The following FTO variants were observed in gnomAD, a reference collection of about 807,000 sequenced individuals.
FTO encodes alpha-ketoglutarate-dependent dioxygenase FTO.
FTO carries 47 observed loss-of-function variants against 63.9 expected under a neutral mutation model. The observed-to-expected ratio is 0.74, with a 90% CI of 0.58 to 0.94. The LOEUF is 0.94. FTO is among the 40% of genes least tolerant of loss of function. The pLI, the probability that FTO is intolerant of heterozygous loss-of-function variation, is 0.00. For missense variants in FTO, 562 were observed against 618.1 expected (o/e 0.91, Z 0.96); for synonymous variants, 207 against 224.4 (o/e 0.92, Z 0.69).
intron 4 of FTO, among the ~76,000 whole-genome samples, chr16:53,854,301 GC>G (rs2079908964): frequency 2.0e-5 from 3 of 152,078 alleles, no homozygotes; most frequent in African/African-American, 7.2e-5. Flanking sequence ...TTGTGCAGAA[GC>G]TTTTTAGTTT....
intron 7 of FTO, among the ~76,000 whole-genome samples, chr16:53,923,681 A>AT (rs200723135): frequency 3.3e-4 from 47 of 142,068 alleles, no homozygotes; most frequent in African/African-American, 3.9e-4. Flanking sequence ...CTTTCTTTCT[A>AT]TTTTTTTTTT....
chr16:53,888,551 C>G (rs1469188819), intron 6 of FTO, among the ~76,000 whole-genome samples: 1 of 152,028 alleles, frequency 6.6e-6, no homozygotes, highest in Non-Finnish European at 1.5e-5. Flanking sequence ...AACTCCTGGC[C>G]TCAAGAGATC....
rs1351291645 is a variant in FTO, at chr16:54,118,339, C to T, written c.*6424C>T. On this transcript the variant is annotated 3_prime_UTR_variant, in exon 9 of 9. Coordinates refer to ENST00000471389, the MANE Select transcript of FTO (RefSeq NM_001080432.3). ...CTTCATTAGTGATAATGGCATGAAG[C>T]TCTTTCACACAGTCTTTTTTTTTTT... The T allele has an allele frequency of 6.6e-6, 1 of 151,430 alleles. No individual in the cohort carries two copies. Among genetic ancestry groups the T allele is most frequent in the Non-Finnish European group, 1.5e-5 (1 of 67,952 alleles). The allele number at this position is 151,430 out of a possible 1,614,324, so 9.4% of individuals were successfully genotyped here.
intron 8 of FTO, among the ~76,000 whole-genome samples, chr16:54,026,951 A>C (rs1217868536): frequency 1.3e-5 from 2 of 152,102 alleles, no homozygotes; most frequent in Non-Finnish European, 2.9e-5. Context: ...CTAGAATATA[A>C]CTCCATTTAA....
At chr16:53,798,069 G>A (rs889189803) in intron 1 of FTO, among the ~76,000 whole-genome samples, 2 of 151,946 alleles carry the variant, frequency 1.3e-5, no homozygotes, top group African/African-American at 4.8e-5. Context: ...CTATTTGTTA[G>A]GACTCTTCTT....
intron 1 of FTO, among the ~76,000 whole-genome samples, chr16:53,743,729 C>A (rs1331957326): frequency 6.6e-6 from 1 of 151,600 alleles, no homozygotes; most frequent in Non-Finnish European, 1.5e-5. Context: ...TTTAATAATA[C>A]AAGCTTTAAC....
chr16:53,710,117 C>T (rs965874486), intron 1 of FTO, among the ~76,000 whole-genome samples: 16 of 151,810 alleles, frequency 1.1e-4, no homozygotes, highest in African/African-American at 3.6e-4. Flanking sequence ...AAATTGGTTC[C>T]TCATCCTTTT....
chr16:53,751,371 T>C (rs999808423), intron 1 of FTO, among the ~76,000 whole-genome samples: 4 of 151,984 alleles, frequency 2.6e-5, no homozygotes, highest in Non-Finnish European at 5.9e-5. Flanking sequence ...GGCAGGAGAA[T>C]GGCATGAACC....
At position 54,025,140 on chromosome 16, in the gene FTO, C is replaced by T. The variant is rs186847089; in HGVS notation, c.1365-86622C>T. Reference sequence around the variant, plus strand: ...GTTTAGTCTGGATCTCATACCTGCTCCTCCATTAGGGGAGGCCAGAGCCCC... The same window carrying T: ...GTTTAGTCTGGATCTCATACCTGCTTCTCCATTAGGGGAGGCCAGAGCCCC... On this transcript the variant is annotated intron_variant, in intron 8 of 8. Coordinates refer to ENST00000471389, the MANE Select transcript of FTO (RefSeq NM_001080432.3). 3.3e-5 allele frequency among the ~76,000 whole-genome samples: 5 copies of T among 152,318 alleles called. No individual in the cohort carries two copies. The East Asian group carries it at 7.7e-4, about 24-fold the overall frequency.
chr16:53,782,011 A>G (rs1397593959), intron 1 of FTO, among the ~76,000 whole-genome samples: 1 of 152,134 alleles, frequency 6.6e-6, no homozygotes, highest in Non-Finnish European at 1.5e-5. Context: ...CTTATGTAGT[A>G]GTATCCCCAG....
At chr16:53,883,754 A>G (rs148162196) in intron 6 of FTO, among the ~76,000 whole-genome samples, 1 of 152,046 alleles carries the variant, frequency 6.6e-6, no homozygotes, top group Non-Finnish European at 1.5e-5. Context: ...CTGGGGTTGA[A>G]TAGAGAGATT....
intron 8 of FTO, chr16:53,981,466 C>G (rs982823054): frequency 3.3e-5 from 5 of 152,258 alleles, no homozygotes; most frequent in Non-Finnish European, 5.9e-5. Flanking sequence ...AAACCTGAAG[C>G]CTTCCTGCTT....
chr16:54,010,152 G>T (rs995725954), intron 8 of FTO, among the ~76,000 whole-genome samples: 3 of 152,086 alleles, frequency 2.0e-5, no homozygotes, highest in Non-Finnish European at 1.5e-5. Flanking sequence ...CATGGCTCAC[G>T]ACTGTAATCC....
At chr16:54,007,077 A>T (rs905046159) in intron 8 of FTO, among the ~76,000 whole-genome samples, 1 of 152,210 alleles carries the variant, frequency 6.6e-6, no homozygotes, top group Admixed American at 6.5e-5. Flanking sequence ...TTGCTTAGTG[A>T]AATACAAAGG....
rs552300023 is a variant in FTO at position 54,072,342 on chromosome 16, C to T, written c.1365-39420C>T. 2.0e-5 allele frequency: 3 copies of T among 152,282 alleles called. No individual in the cohort carries two copies. The South Asian group carries it at 6.2e-4, about 32-fold the overall frequency. The allele number at this position is 152,282 out of a possible 1,614,324, so 9.4% of individuals were successfully genotyped here. On this transcript the variant is annotated intron_variant, in intron 8 of 8. Coordinates refer to ENST00000471389, the MANE Select transcript of FTO (RefSeq NM_001080432.3). Reference sequence around the variant, plus strand: ...TTCAGTGGAAGGCAACAGCCTCAGCCGTCTGTCATGACTACAGATGCAGAC... The same window carrying T: ...TTCAGTGGAAGGCAACAGCCTCAGCTGTCTGTCATGACTACAGATGCAGAC...
chr16:53,736,532 C>T (rs950288079), intron 1 of FTO, among the ~76,000 whole-genome samples: 9 of 152,108 alleles, frequency 5.9e-5, no homozygotes, highest in African/African-American at 1.9e-4. Flanking sequence ...TTCTCATTTC[C>T]ACTGCCTCTG....
intron 2 of FTO, among the ~76,000 whole-genome samples, chr16:53,814,166 GGA>G (rs2078609397): frequency 6.6e-6 from 1 of 152,126 alleles, no homozygotes. Context: ...TCTTTTAATA[GGA>G]CCGTAGAGAA....
intron 8 of FTO, chr16:54,052,677 A>G (rs1397886410): frequency 6.6e-6 from 1 of 152,110 alleles, no homozygotes; most frequent in Admixed American, 6.5e-5. Context: ...ACGGATAATA[A>G]GAGGAAAGGG....
chr16:53,979,332 A>T (rs1468104216), intron 8 of FTO: 5 of 398,300 alleles, frequency 1.3e-5, no homozygotes, highest in Non-Finnish European at 2.2e-5. Flanking sequence ...TATATCTGGA[A>T]TGGATGTTTG....
Sources: gnomAD v4.1 joint callset for allele counts (sites outside exome capture counted in the v4.1 genomes callset) on GRCh38, gnomAD v4.1.1 for gene constraint, MANE v1.5 for transcripts, NCBI Gene and HGNC (gene_info 2026-07-23, HGNC 2026-07-21) for gene names.